Variants in ATAD2B observed in about 807,000 individuals in gnomAD.
ATAD2B encodes the protein ATPase family AAA domain-containing protein 2B.
A neutral mutation model predicts 167.6 loss-of-function variants in ATAD2B; 40 were observed. That is an observed-to-expected ratio of 0.24 (90% confidence interval 0.19 to 0.31). The LOEUF (loss-of-function observed/expected upper bound fraction) is 0.31, where lower values mean the gene tolerates loss of function less well. Ranked by LOEUF, ATAD2B falls within the 10% of genes least tolerant of loss-of-function variation. ATAD2B has a pLI of 1.00. For missense variants in ATAD2B, 1,242 were observed against 1,757.2 expected, an observed-to-expected ratio of 0.71 and a Z score of 5.24; for synonymous variants, 579 against 596.5, an observed-to-expected ratio of 0.97 and a Z score of 0.43.
intron 23 of ATAD2B, among the ~76,000 whole-genome samples, chr2:23,764,108 T>G (rs540348027): frequency 6.6e-6 from 1 of 152,334 alleles, no homozygotes; most frequent in South Asian, 2.1e-4. Flanking sequence ...TTTTCTTGGG[T>G]AGATTCCTAA....
At chr2:23,837,495 G>A (rs1003981514) in intron 13 of ATAD2B, among the ~76,000 whole-genome samples, 1 of 152,186 alleles carries the variant, frequency 6.6e-6, no homozygotes. Context: ...GGCTGCAGCT[G>A]CACCCAGGGA....
At position 23,863,290 on chromosome 2, in the gene ATAD2B, G is replaced by T. The variant is rs1426894427; in HGVS notation, c.1479+91C>A. 9 of 1,285,960 alleles carry T rather than the reference G, an allele frequency of 7.0e-6. No homozygotes were observed. In the Admixed American group the frequency reaches 1.6e-4, roughly 22 times the overall value. 79.7% of individuals were successfully genotyped at this position (1,285,960 alleles called of 1,614,324 possible). ...CGCTATTGCACTCACTCCAGCCTGG[G>T]TAACAGAGAGAGGCCCTGTCTCAAA... On this transcript the variant is annotated intron_variant, in intron 12 of 27. Transcript: ENST00000238789.
chr2:23,785,361 C>G lies in ATAD2B; in HGVS notation c.2973+666G>C, dbSNP rs148243547. ...TGTGTTCATCCACACACTACATTAT[C>G]CCAGGATAAAACAAAAACCAAAAAT... On this transcript the variant is annotated intron_variant, in intron 21 of 27. Transcript: ENST00000238789. Among the ~76,000 whole-genome samples the G allele has an allele frequency of 6.5e-3, 987 of 152,178 alleles. 5 individuals are homozygous for G. The highest frequency in any genetic ancestry group is 0.031 in the Middle Eastern group (9 of 294).
chr2:23,860,029 G>A (rs1694099782), intron 12 of ATAD2B, among the ~76,000 whole-genome samples: 1 of 152,060 alleles, frequency 6.6e-6, no homozygotes, highest in Admixed American at 6.6e-5. Flanking sequence ...AGGTCTTGAG[G>A]CCTCCACCCT....
intron 15 of ATAD2B, among the ~76,000 whole-genome samples, chr2:23,828,457 G>A (rs1488097146): frequency 1.3e-5 from 2 of 152,178 alleles, no homozygotes; most frequent in African/African-American, 4.8e-5. Context: ...AGCCCGTTGT[G>A]TAATCTGCAA....
At chr2:23,711,342 CTTTTTTTTTTTTTTTTT>C in the ATAD2B span, among the ~76,000 whole-genome samples, 186 of 79,756 alleles carry the variant, frequency 2.3e-3, 3 homozygotes, top group African/African-American at 5.6e-3. Flanking sequence ...GAATTTCTTT[CTTTTTTTTTTTTTTTTT>C]TTTTTTTTTT....
chr2:23,883,279 CAAAAAA>C (rs56994882), intron 6 of ATAD2B, among the ~76,000 whole-genome samples: 129 of 88,996 alleles, frequency 1.4e-3, no homozygotes, highest in African/African-American at 5.1e-3. Context: ...AAAACTGTCT[CAAAAAA>C]AAAAAAAAAA....
rs1675297181 is a variant in ATAD2B at position 23,751,067 on chromosome 2, C to T, written c.*979G>A. On this transcript the variant is annotated 3_prime_UTR_variant, in exon 28 of 28. Coordinates refer to ENST00000238789, the MANE Select transcript of ATAD2B (RefSeq NM_017552.4). ...TTTACTACATATGAAAACCATTTTT[C>T]TCTGGGAACTCAAACATGAATAACT... The T allele has an allele frequency of 6.6e-6, 1 of 152,100 alleles. No homozygotes were observed. The highest frequency in any genetic ancestry group is 2.4e-5 in the African/African-American group (1 of 41,434). The allele number at this position is 152,100 out of a possible 1,614,324, so 9.4% of individuals were successfully genotyped here. A position where few individuals can be genotyped will look rare whatever the true frequency, so the allele number is the denominator to read the frequency against.
At chr2:23,713,388 CCTTT>C in the ATAD2B span, among the ~76,000 whole-genome samples, 21 of 135,566 alleles carry the variant, frequency 1.5e-4, no homozygotes, top group Non-Finnish European at 4.8e-5. Context: ...TGCTATAGCC[CCTTT>C]TTTATGGAGG....
At chr2:23,690,804 G>C in the ATAD2B span, 1 of 152,270 alleles carries the variant, frequency 6.6e-6, no homozygotes, top group Non-Finnish European at 1.5e-5. Flanking sequence ...CCAGGCCTTA[G>C]GAGCCTTTGC....
intron 8 of ATAD2B, among the ~76,000 whole-genome samples, chr2:23,874,826 G>T (rs544294452): frequency 6.6e-6 from 1 of 152,278 alleles, no homozygotes; most frequent in South Asian, 2.1e-4. Flanking sequence ...GGAGGCCAAG[G>T]CAGGCGGATC....
At chr2:23,767,482 A>G (rs1472328113) in intron 22 of ATAD2B, among the ~76,000 whole-genome samples, 1 of 152,240 alleles carries the variant, frequency 6.6e-6, no homozygotes, top group Non-Finnish European at 1.5e-5. Context: ...TTTATATTCA[A>G]GTGCTTTTTG....
rs11386515 is a variant in ATAD2B, at chr2:23,922,701, C to CAAAAA, written c.216+3849_216+3853dup. Among the ~76,000 whole-genome samples, 848 of 126,440 alleles carry CAAAAA rather than the reference C, an allele frequency of 6.7e-3. 8 individuals carry two copies. The highest frequency in any genetic ancestry group is 0.01 in the Non-Finnish European group (620 of 61,420). The allele number at this position is 126,440 out of a possible 152,430, so 82.9% of individuals were successfully genotyped here. ...TGGGCATCAGAGTAAGACTCTGTCT[C>CAAAAA]AAAAAAAAAAAAAAAGGGTCCTAAC... On this transcript the variant is annotated intron_variant, in intron 1 of 27. Coordinates refer to ENST00000238789, the MANE Select transcript of ATAD2B (RefSeq NM_017552.4).
chr2:23,879,712 A>G (rs1697569500), intron 7 of ATAD2B, among the ~76,000 whole-genome samples: 1 of 152,198 alleles, frequency 6.6e-6, no homozygotes, highest in South Asian at 2.1e-4. Context: ...GCAGCCGTAT[A>G]CTATTTTTGT....
At chr2:23,876,468 A>G (rs1696860703) in intron 7 of ATAD2B, among the ~76,000 whole-genome samples, 1 of 151,702 alleles carries the variant, frequency 6.6e-6, no homozygotes, top group African/African-American at 2.4e-5. Context: ...CGCCCAGCTA[A>G]TATTTGTATT....
intron 1 of ATAD2B, among the ~76,000 whole-genome samples, chr2:23,908,238 T>C (rs1701771917): frequency 6.6e-6 from 1 of 151,806 alleles, no homozygotes; most frequent in African/African-American, 2.4e-5. Context: ...CGCAACCTAC[T>C]CATCTGACAA....
rs971449963 is a variant in ATAD2B at position 23,765,729 on chromosome 2, G to A, written c.3134-101C>T. Reference sequence around the variant, plus strand: ...AAGAATACAAACAAAATTATAAAAAGCATTGCTAGGTGAGAAAAAGTTTAT... The same window carrying A: ...AAGAATACAAACAAAATTATAAAAAACATTGCTAGGTGAGAAAAAGTTTAT... On this transcript the variant is annotated intron_variant, in intron 22 of 27. Transcript: ENST00000238789. The A allele has an allele frequency of 4.0e-5, 30 of 755,760 alleles. No individual in the cohort carries two copies. The African/African-American group carries it at 4.9e-4, about 12-fold the overall frequency. 46.8% of individuals were successfully genotyped at this position (755,760 alleles called of 1,614,324 possible). A position where few individuals can be genotyped will look rare whatever the true frequency, so the allele number is the denominator to read the frequency against.
At chr2:23,718,508 G>T in the ATAD2B span, among the ~76,000 whole-genome samples, 3 of 152,292 alleles carry the variant, frequency 2.0e-5, no homozygotes, top group East Asian at 5.8e-4. Flanking sequence ...CCCATGTGTA[G>T]AACTGACCAG....
At chr2:23,814,820 C>G (rs141375503) in intron 17 of ATAD2B, among the ~76,000 whole-genome samples, 1 of 151,686 alleles carries the variant, frequency 6.6e-6, no homozygotes, top group African/African-American at 2.4e-5. Context: ...TTTGGGAGGC[C>G]AAGGCGGGCA....
Sources: gnomAD v4.1 joint callset for allele counts (sites outside exome capture counted in the v4.1 genomes callset) on GRCh38, gnomAD v4.1.1 for gene constraint, MANE v1.5 for transcripts, NCBI Gene and HGNC (gene_info 2026-07-23, HGNC 2026-07-21) for gene names.